The following TLR7 variants were observed in gnomAD, a reference collection of about 807,000 sequenced individuals.
TLR7 encodes the protein toll-like receptor 7.
A neutral mutation model predicts 38.3 loss-of-function variants in TLR7; 12 were observed. The ratio of observed to expected loss-of-function variants is 0.31; its 90% CI spans 0.20 to 0.51. The LOEUF (loss-of-function observed/expected upper bound fraction) is 0.51, where lower values mean the gene tolerates loss of function less well. Ranked by LOEUF, TLR7 falls within the 20% of genes least tolerant of loss-of-function variation. The pLI, the probability that TLR7 is intolerant of heterozygous loss-of-function variation, is 0.98. For missense variants in TLR7, 504 were observed against 743.4 expected (o/e 0.68, Z 3.74); for synonymous variants, 285 against 293.8 (o/e 0.97, Z 0.31).
In TLR7 at chrX:12,887,334, C is replaced by A; in HGVS notation, c.1826C>A (p.Ser609Tyr). The A allele has an allele frequency of 8.3e-7, 1 of 1,211,901 alleles. No homozygotes were observed. The highest frequency in any genetic ancestry group is 1.8e-5 in the South Asian group (1 of 57,018). The change falls in exon 3 of 3, where the codon TCT (serine) becomes TAT (tyrosine). Residue 609 changes from serine to tyrosine, a missense_variant. Physicochemically the swap from Ser to Tyr is moderately radical, Grantham distance 144 (BLOSUM62 -2). Coordinates refer to ENST00000380659, the MANE Select transcript of TLR7 (RefSeq NM_016562.4). ...CTGATGATGAACGACAATGACATCT[C>A]TTCCTCCACCAGCAGGACCATGGAG... ...QKLMMNDNDI[S>Y]SSTSRTMESE...
At chrX:12,880,014 A>G (rs145902585) in intron 2 of TLR7, among the ~76,000 whole-genome samples, 2 of 112,340 alleles carry the variant, frequency 1.8e-5, no homozygotes, top group East Asian at 5.6e-4. Flanking sequence ...AGCTACACAT[A>G]TACAAGTGGC....
chrX:12,888,275 C>T lies in TLR7; in HGVS notation c.2767C>T (p.His923Tyr). 8.3e-7 allele frequency: 1 copy of T among 1,211,388 alleles called. No individual in the cohort carries two copies. The highest frequency in any genetic ancestry group is 1.1e-6 in the Non-Finnish European group (1 of 895,481). ...VAKLEDPREKHFNLCLEERDW... is the reference protein window; with the variant it reads ...VAKLEDPREKYFNLCLEERDW... ...CAAACTGGAAGACCCAAGAGAGAAA[C>T]ATTTTAATTTATGTCTCGAGGAAAG... is the stretch of plus-strand genomic sequence containing the variant. Residue 923 changes from histidine to tyrosine, a missense_variant, in exon 3 of 3, where the codon CAT becomes TAT. Physicochemically the swap from His to Tyr is moderately conservative, Grantham distance 83 (BLOSUM62 2). Transcript: ENST00000380659.
chrX:12,867,657 G>A, intron 2 of TLR7, 76 bp downstream of exon 2: 1 of 1,019,545 alleles, frequency 9.8e-7, no homozygotes, highest in Non-Finnish European at 1.4e-6. Context: ...GCTGGCAAGA[G>A]CAATATTGAA....
At chrX:12,882,259 C>T (rs886712384) in intron 2 of TLR7, among the ~76,000 whole-genome samples, 5 of 111,328 alleles carry the variant, frequency 4.5e-5, no homozygotes, top group African/African-American at 1.6e-4. Context: ...TATAGTTGAT[C>T]TGATTCAGGT....
At chrX:12,884,486 T>C (rs1314889961) in intron 2 of TLR7, among the ~76,000 whole-genome samples, 1 of 112,251 alleles carries the variant, frequency 8.9e-6, no homozygotes, top group Non-Finnish European at 1.9e-5. Context: ...TAAAGCATTC[T>C]GTAAGGCAGA....
In TLR7 at chrX:12,871,126, T is replaced by A. The variant is rs760683187; in HGVS notation, c.3+3545T>A. ...GTAAATGATAACTCTCTCCTTTTTTTAAAAAAAAGCAAGTGGTTTACAACC... is the reference window on the plus strand; with the variant it reads ...GTAAATGATAACTCTCTCCTTTTTTAAAAAAAAAGCAAGTGGTTTACAACC... On this transcript the variant is annotated intron_variant, in intron 2 of 2. Coordinates refer to ENST00000380659, the MANE Select transcript of TLR7 (RefSeq NM_016562.4). Among the ~76,000 whole-genome samples the A allele has an allele frequency of 3.5e-4, 39 of 111,620 alleles. No individual in the cohort carries two copies. In the Middle Eastern group the frequency reaches 0.014, roughly 40 times the overall value.
At chrX:12,881,171 G>A (rs2042889802) in intron 2 of TLR7, among the ~76,000 whole-genome samples, 1 of 108,920 alleles carries the variant, frequency 9.2e-6, no homozygotes, top group Admixed American at 9.9e-5. Context: ...AGGTTGCAGT[G>A]AACCGAGATT....
At chrX:12,867,318 A>C (rs1362300177) in intron 1 of TLR7, among the ~76,000 whole-genome samples, 163 bp from the exon 2 acceptor site, 1 of 112,485 alleles carries the variant, frequency 8.9e-6, no homozygotes, top group African/African-American at 3.2e-5. Flanking sequence ...AACGTTAGAA[A>C]TGGTTTTCTG....
chrX:12,875,413 A>G (rs1170753482), intron 2 of TLR7, among the ~76,000 whole-genome samples: 2 of 112,186 alleles, frequency 1.8e-5, no homozygotes, highest in Non-Finnish European at 3.8e-5. Context: ...TGACTGTGGG[A>G]GCATATAATT....
At position 12,887,910 on chromosome X, in the gene TLR7, C is replaced by A. The variant is rs755980513; in HGVS notation, c.2402C>A (p.Thr801Lys). The A allele has an allele frequency of 8.3e-7, 1 of 1,211,665 alleles. No homozygotes were observed. The highest frequency in any genetic ancestry group is 1.1e-6 in the Non-Finnish European group (1 of 895,494). Residue 801 changes from threonine to lysine, a missense_variant, in exon 3 of 3, where the codon ACG becomes AAG. Coordinates refer to ENST00000380659, the MANE Select transcript of TLR7 (RefSeq NM_016562.4). ...TGGTTTGTCTGGTGGGTTAACCATA[C>A]GGAGGTGACTATTCCTTACCTGGCC... ...AVWFVWWVNH[T>K]EVTIPYLATD... is the part of the protein sequence containing the mutation.
intron 2 of TLR7, among the ~76,000 whole-genome samples, chrX:12,875,039 T>C (rs2042865797): frequency 9.1e-6 from 1 of 110,242 alleles, no homozygotes; most frequent in African/African-American, 3.3e-5. Flanking sequence ...AGATCTAAAA[T>C]CAGTAAAATT....
At chrX:12,880,607 C>A (rs1014152263) in intron 2 of TLR7, among the ~76,000 whole-genome samples, 17 of 110,240 alleles carry the variant, frequency 1.5e-4, no homozygotes, top group Admixed American at 1.1e-3. Context: ...ACTGAAGGAA[C>A]CTACTCAAAG....
At chrX:12,885,158 C>A (rs2042905503) in intron 2 of TLR7, among the ~76,000 whole-genome samples, 1 of 112,345 alleles carries the variant, frequency 8.9e-6, no homozygotes, top group Admixed American at 9.4e-5. Flanking sequence ...ATGGGTGTAT[C>A]CATATTCTAA....
chrX:12,889,573 G>A lies in TLR7; in HGVS notation c.*915G>A, dbSNP rs1023367179. 1 of 112,700 alleles carries A rather than the reference G, an allele frequency of 8.9e-6. No homozygotes were observed. Among genetic ancestry groups the A allele is most frequent in the African/African-American group, 3.2e-5 (1 of 30,943 alleles). 9.3% of individuals were successfully genotyped at this position (112,700 alleles called of 1,213,427 possible). ...TGCTTCTGGGTTCCATAGGGAAACA[G>A]TAAGAAAGAAAGACACATCCTTACC... On this transcript the variant is annotated 3_prime_UTR_variant, in exon 3 of 3. Coordinates refer to ENST00000380659, the MANE Select transcript of TLR7 (RefSeq NM_016562.4).
intron 2 of TLR7, among the ~76,000 whole-genome samples, chrX:12,876,145 A>G (rs1602435060): frequency 9.0e-6 from 1 of 111,139 alleles, no homozygotes; most frequent in East Asian, 2.8e-4. Context: ...TTTAGTAGAA[A>G]TAGGGTTTCA....
chrX:12,876,999 G>A (rs952769021), intron 2 of TLR7, among the ~76,000 whole-genome samples: 1 of 111,327 alleles, frequency 9.0e-6, no homozygotes, highest in East Asian at 2.8e-4. Context: ...GACCTGGCTT[G>A]ATGCCGAACC....
rs1264535581 is a variant in TLR7, at chrX:12,887,097, G to C, written c.1589G>C (p.Ser530Thr). 1 of 1,209,293 alleles carries C rather than the reference G, an allele frequency of 8.3e-7. No homozygotes were observed. Among genetic ancestry groups the C allele is most frequent in the African/African-American group, 1.7e-5 (1 of 57,251 alleles). The change falls in exon 3 of 3, where the codon AGC (serine) becomes ACC (threonine). Residue 530 changes from serine to threonine, a missense_variant. Coordinates refer to ENST00000380659, the MANE Select transcript of TLR7 (RefSeq NM_016562.4). The stretch of plus-strand genomic sequence containing the variant: ...CTGAATCTGTCAGGAAATCTCATTA[G>C]CCAAACTCTTAATGGCAGTGAATTC... ...KCLNLSGNLISQTLNGSEFQP... is the reference protein window; with the variant it reads ...KCLNLSGNLITQTLNGSEFQP...
chrX:12,890,199 TGTC>T lies in TLR7; in HGVS notation c.*1544_*1546del, dbSNP rs1265877040. The T allele has an allele frequency of 1.8e-5, 2 of 113,085 alleles. No homozygotes were observed. Among genetic ancestry groups the T allele is most frequent in the Non-Finnish European group, 3.7e-5 (2 of 53,448 alleles). 9.3% of individuals were successfully genotyped at this position (113,085 alleles called of 1,213,427 possible). On this transcript the variant is annotated 3_prime_UTR_variant, in exon 3 of 3. Transcript: ENST00000380659. ...ATGTGTTCAAGCCTTAGATTGGCGATGTCGTATTTTCCTCACGTGTGGCAATGC... is the reference window on the plus strand; with the variant it reads ...ATGTGTTCAAGCCTTAGATTGGCGATGTATTTTCCTCACGTGTGGCAATGC...
intron 2 of TLR7, among the ~76,000 whole-genome samples, chrX:12,868,483 G>T (rs2042841227): frequency 2.7e-5 from 3 of 111,740 alleles, no homozygotes; most frequent in South Asian, 7.5e-4. Flanking sequence ...TGTCAGCGCT[G>T]GCTCTCCCAG....
Sources: allele counts gnomAD v4.1 joint callset (sites outside exome capture counted in the v4.1 genomes callset), GRCh38; gene constraint gnomAD v4.1.1; transcripts MANE v1.5; gene names NCBI Gene and HGNC (gene_info 2026-07-23, HGNC 2026-07-21).